ANK3: variants seen among roughly 807,000 people sequenced by gnomAD.
ANK3 encodes the protein ankyrin 3.
Under a neutral mutation model 370.9 loss-of-function variants are expected in ANK3, and 57 were observed. The ratio of observed to expected loss-of-function variants is 0.15; its 90% CI spans 0.12 to 0.19. The LOEUF (loss-of-function observed/expected upper bound fraction) is 0.19. ANK3 is among the 10% of genes least tolerant of loss of function. The probability of loss-of-function intolerance (pLI) is 1.00; values close to 1 mark genes in which losing one functional copy is unlikely to be tolerated. For missense variants in ANK3, 4,439 were observed against 5,302.1 expected (o/e 0.84, Z 5.06); for synonymous variants, 1,929 against 1,946.3 (o/e 0.99, Z 0.23).
At chr10:60,249,328 A>G (rs1356930048) in intron 7 of ANK3, among the ~76,000 whole-genome samples, 1 of 152,230 alleles carries the variant, frequency 6.6e-6, no homozygotes, top group Non-Finnish European at 1.5e-5. Flanking sequence ...TATAACTTCA[A>G]TTAAAAAGTC....
chr10:60,140,498 G>C, intron 23 of ANK3: 3 of 1,546,336 alleles, frequency 1.9e-6, no homozygotes, highest in Non-Finnish European at 2.6e-6. Context: ...CTTCACCACC[G>C]CTGAATTCCT....
intron 1 of ANK3, among the ~76,000 whole-genome samples, chr10:60,626,163 C>A (rs2078407117): frequency 6.6e-6 from 1 of 152,116 alleles, no homozygotes; most frequent in South Asian, 2.1e-4. Context: ...AATTGAAATA[C>A]CATTATTTCT....
At chr10:60,691,352 T>C (rs1182680717) in intron 1 of ANK3, among the ~76,000 whole-genome samples, 1 of 151,886 alleles carries the variant, frequency 6.6e-6, no homozygotes, top group African/African-American at 2.4e-5. Flanking sequence ...TCTGGGTGAG[T>C]AGAAAAGGCT....
chr10:60,283,436 G>A (rs1253059586), intron 1 of ANK3, among the ~76,000 whole-genome samples: 2 of 152,074 alleles, frequency 1.3e-5, no homozygotes, highest in African/African-American at 4.8e-5. Context: ...GAGGAAATTA[G>A]GTTCAAAGAC....
intron 2 of ANK3, among the ~76,000 whole-genome samples, chr10:60,581,418 CTT>C (rs56317709): frequency 0.014 from 1,756 of 123,396 alleles, 23 homozygotes; most frequent in African/African-American, 0.035. Flanking sequence ...GTATTTTGCC[CTT>C]TTTTTTTTTT....
chr10:60,458,803 G>A (rs2064813727), intron 2 of ANK3, among the ~76,000 whole-genome samples: 1 of 152,132 alleles, frequency 6.6e-6, no homozygotes, highest in South Asian at 2.1e-4. Context: ...AATTACGCCT[G>A]TGTGAAGACG....
intron 28 of ANK3, among the ~76,000 whole-genome samples, chr10:60,097,132 G>A (rs565069041): frequency 6.6e-6 from 1 of 152,330 alleles, no homozygotes; most frequent in Non-Finnish European, 1.5e-5. Context: ...GGCCCACACA[G>A]CATTTTGGTA....
intron 8 of ANK3, among the ~76,000 whole-genome samples, chr10:60,222,108 C>T (rs1488216899): frequency 6.6e-6 from 1 of 152,182 alleles, no homozygotes; most frequent in Non-Finnish European, 1.5e-5. Flanking sequence ...GTGTCAGTCT[C>T]CTTTGGATCT....
At chr10:60,693,261 C>T (rs1012956283) in intron 1 of ANK3, among the ~76,000 whole-genome samples, 15 of 152,226 alleles carry the variant, frequency 9.9e-5, no homozygotes, top group African/African-American at 2.2e-4. Flanking sequence ...CCTAAGCCCA[C>T]GGAGTCTCGC....
intron 8 of ANK3, among the ~76,000 whole-genome samples, chr10:60,217,423 C>T (rs2132472744): frequency 6.6e-6 from 1 of 152,254 alleles, no homozygotes; most frequent in South Asian, 2.1e-4. Context: ...CTTAGCACTG[C>T]TTTAGTTGCC....
chr10:60,060,020 T>C lies in ANK3; in HGVS notation c.12596-590A>G, dbSNP rs1408194327. The C allele has an allele frequency of 1.9e-6, 3 of 1,552,034 alleles. No homozygotes were observed. The Admixed American group carries it at 5.8e-5, about 30-fold the overall frequency. The stretch of plus-strand genomic sequence containing the variant: ...GGGAAGGATAACCTATGGAAGACAG[T>C]ACATTTGGACTGACTGGAATGAATT... On this transcript the variant is annotated intron_variant, in intron 40 of 43. Transcript: ENST00000280772.
rs2079890095 is a variant in ANK3 at position 60,059,397 on chromosome 10, T to G, written c.12629A>C (p.Glu4210Ala). ...WQNETSSGNL[E>A]SCAQARRVTG... ...TACTCTTCGAGCTTGAGCGCAGGACTCTAGGTTTCCACTTGATGTCTCATT... is the reference window on the plus strand; with the variant it reads ...TACTCTTCGAGCTTGAGCGCAGGACGCTAGGTTTCCACTTGATGTCTCATT... The change falls in exon 41 of 44, where the codon GAG becomes GCG. Residue 4210 changes from glutamate to alanine, a missense_variant. By Grantham distance (107) the Glu-to-Ala change is moderately radical. Transcript: ENST00000280772. The G allele has an allele frequency of 6.2e-7, 1 of 1,614,052 alleles. No individual in the cohort carries two copies. Among genetic ancestry groups the G allele is most frequent in the African/African-American group, 1.3e-5 (1 of 74,948 alleles).
intron 23 of ANK3, among the ~76,000 whole-genome samples, chr10:60,165,481 C>T (rs1179610113): frequency 6.6e-6 from 1 of 152,156 alleles, no homozygotes; most frequent in Non-Finnish European, 1.5e-5. Context: ...CAGCCAGATC[C>T]TCCGAGGTCC....
At chr10:60,643,978 A>G (rs2078673494) in intron 1 of ANK3, among the ~76,000 whole-genome samples, 2 of 152,218 alleles carry the variant, frequency 1.3e-5, no homozygotes, top group Non-Finnish European at 2.9e-5. Flanking sequence ...CCAGCCCTGT[A>G]TGCCTAAAAA....
intron 1 of ANK3, among the ~76,000 whole-genome samples, chr10:60,726,652 T>C (rs2079945437): frequency 6.6e-6 from 1 of 152,146 alleles, no homozygotes; most frequent in Admixed American, 6.5e-5. Context: ...TTTTGTTTTT[T>C]TCTTCTTTGC....
intron 34 of ANK3, 127 bp downstream of exon 34, chr10:60,082,488 C>T (rs779287980): frequency 6.8e-5 from 88 of 1,287,902 alleles, no homozygotes; most frequent in East Asian, 6.8e-4. Flanking sequence ...GCAATCTACA[C>T]GAGGAGACTA....
intron 1 of ANK3, among the ~76,000 whole-genome samples, chr10:60,289,264 CT>C (rs34525147): frequency 0.24 from 32,041 of 134,346 alleles, 3,951 homozygotes; most frequent in African/African-American, 0.33. Context: ...TATGCCCTGC[CT>C]TTTTTTTTTT....
intron 23 of ANK3, among the ~76,000 whole-genome samples, chr10:60,164,317 A>C (rs989807744): frequency 7.9e-5 from 12 of 152,114 alleles, no homozygotes; most frequent in Non-Finnish European, 1.8e-4. Context: ...GACTTTTAAC[A>C]TCTTCCATGG....
chr10:60,357,099 C>T (rs949129433), intron 1 of ANK3, among the ~76,000 whole-genome samples: 1 of 152,176 alleles, frequency 6.6e-6, no homozygotes, highest in African/African-American at 2.4e-5. Flanking sequence ...CATGGCCCAT[C>T]GTTTTTACTC....
Sources: allele counts gnomAD v4.1 joint callset (sites outside exome capture counted in the v4.1 genomes callset), GRCh38; gene constraint gnomAD v4.1.1; transcripts MANE v1.5; gene names NCBI Gene and HGNC (gene_info 2026-07-23, HGNC 2026-07-21).